Variants in TANC2 observed in about 807,000 individuals in gnomAD.
The protein encoded by TANC2 is protein TANC2.
TANC2 carries 26 observed loss-of-function variants against 210.5 expected under a neutral mutation model. That is an observed-to-expected ratio of 0.12 (90% CI 0.09 to 0.17). The LOEUF (loss-of-function observed/expected upper bound fraction) is 0.17. TANC2 is among the 10% of genes least tolerant of loss of function. TANC2 has a pLI of 1.00. For synonymous variants in TANC2, 931 were observed against 967.1 expected (o/e 0.96, Z 0.69); for missense variants, 2,129 against 2,608.9 (o/e 0.82, Z 4.01).
At chr17:63,417,528 CTTGTT>C (rs1039032006) in intron 26 of TANC2, among the ~76,000 whole-genome samples, 7 of 151,984 alleles carry the variant, frequency 4.6e-5, no homozygotes, top group African/African-American at 1.2e-4. Flanking sequence ...GGGGTCTTCT[CTTGTT>C]TTGTTTTATT....
At chr17:63,408,789 A>T (rs1013313596) in intron 21 of TANC2, among the ~76,000 whole-genome samples, 1 of 152,226 alleles carries the variant, frequency 6.6e-6, no homozygotes, top group Admixed American at 6.5e-5. Context: ...TTGAGCTGAC[A>T]TCCGAATCCT....
chr17:63,410,457 G>GT (rs1335579760), intron 21 of TANC2, among the ~76,000 whole-genome samples: 2 of 151,474 alleles, frequency 1.3e-5, no homozygotes, highest in Non-Finnish European at 2.9e-5. Flanking sequence ...GTCCTCTCGT[G>GT]TTTATTTCCC....
At chr17:63,038,670 A>G (rs2035068278) in intron 2 of TANC2, among the ~76,000 whole-genome samples, 1 of 152,158 alleles carries the variant, frequency 6.6e-6, no homozygotes, top group East Asian at 1.9e-4. Flanking sequence ...ATTTTTTTTT[A>G]AACTATAGAC....
At chr17:62,996,526 C>T (rs2033115916) in intron 1 of TANC2, among the ~76,000 whole-genome samples, 2 of 152,024 alleles carry the variant, frequency 1.3e-5, no homozygotes, top group Non-Finnish European at 2.9e-5. Flanking sequence ...CATGAAGCAT[C>T]CTTGGAGTCT....
chr17:63,381,076 A>G (rs1324203259), intron 15 of TANC2, among the ~76,000 whole-genome samples: 15 of 152,256 alleles, frequency 9.9e-5, no homozygotes, highest in African/African-American at 1.4e-4. Flanking sequence ...TAGCATCACT[A>G]TCTGCCTAGA....
At chr17:63,045,929 T>TC (rs1368217862) in intron 2 of TANC2, among the ~76,000 whole-genome samples, 1 of 152,024 alleles carries the variant, frequency 6.6e-6, no homozygotes, top group East Asian at 1.9e-4. Context: ...GCACACACCA[T>TC]CATGCCTGGC....
intron 4 of TANC2, among the ~76,000 whole-genome samples, chr17:63,126,847 C>G (rs573239722): frequency 1.3e-5 from 2 of 152,118 alleles, no homozygotes; most frequent in Non-Finnish European, 2.9e-5. Context: ...TTTTACCTCC[C>G]CACCCCCCAC....
At chr17:63,341,974 T>A (rs989197094) in intron 12 of TANC2, among the ~76,000 whole-genome samples, 1 of 152,140 alleles carries the variant, frequency 6.6e-6, no homozygotes, top group Non-Finnish European at 1.5e-5. Flanking sequence ...TTCCCTAGAT[T>A]TTCCCACCTC....
intron 9 of TANC2, among the ~76,000 whole-genome samples, chr17:63,271,318 G>A (rs1383887202): frequency 6.6e-6 from 1 of 151,894 alleles, no homozygotes; most frequent in Non-Finnish European, 1.5e-5. Flanking sequence ...CCACAGCTTC[G>A]CCAACATCTG....
At chr17:63,373,965 C>T (rs946141467) in intron 14 of TANC2, among the ~76,000 whole-genome samples, 2 of 149,380 alleles carry the variant, frequency 1.3e-5, no homozygotes, top group East Asian at 2.0e-4. Flanking sequence ...CAGGCAATGG[C>T]GTGAGACTCT....
At chr17:63,201,868 G>A (rs890005143) in intron 7 of TANC2, among the ~76,000 whole-genome samples, 4 of 152,044 alleles carry the variant, frequency 2.6e-5, no homozygotes, top group Non-Finnish European at 5.9e-5. Flanking sequence ...TCATTTATAT[G>A]TATTGTTATG....
chr17:63,190,509 A>G (rs2041148331), intron 5 of TANC2, among the ~76,000 whole-genome samples: 1 of 152,144 alleles, frequency 6.6e-6, no homozygotes, highest in Non-Finnish European at 1.5e-5. Flanking sequence ...CTTCTTTTTA[A>G]AGGTTGTTTT....
chr17:63,260,855 T>C (rs2043335347), intron 8 of TANC2, among the ~76,000 whole-genome samples: 1 of 152,206 alleles, frequency 6.6e-6, no homozygotes, highest in Non-Finnish European at 1.5e-5. Flanking sequence ...TTCAATTCTT[T>C]TCTATCCTGT....
At chr17:63,058,396 C>T (rs192863727) in intron 2 of TANC2, among the ~76,000 whole-genome samples, 5 of 152,244 alleles carry the variant, frequency 3.3e-5, no homozygotes, top group African/African-American at 4.8e-5. Context: ...TTGATAGTTT[C>T]GTTTGCTGTC....
At chr17:63,190,750 A>T (rs1244364064) in intron 5 of TANC2, among the ~76,000 whole-genome samples, 1 of 152,102 alleles carries the variant, frequency 6.6e-6, no homozygotes, top group African/African-American at 2.4e-5. Context: ...AAAAAAGAAG[A>T]TTTGATACAC....
At position 63,199,315 on chromosome 17, in the gene TANC2, A is replaced by C. The variant is rs1036165884; in HGVS notation, c.583-1456A>C. Among the ~76,000 whole-genome samples the C allele has an allele frequency of 1.3e-5, 2 of 152,158 alleles. 1 individual carries two copies. The highest frequency in any genetic ancestry group is 2.9e-5 in the Non-Finnish European group (2 of 68,026). ...CAAGTAATTTTGCTGCTGATCACTTAATAATTTTAAAAACGATAAAATGTT... is the reference window on the plus strand; with the variant it reads ...CAAGTAATTTTGCTGCTGATCACTTCATAATTTTAAAAACGATAAAATGTT... On this transcript the variant is annotated intron_variant, in intron 6 of 27. Coordinates refer to ENST00000689528, the Ensembl canonical transcript of TANC2.
At chr17:63,263,390 T>C (rs1033839540) in intron 8 of TANC2, among the ~76,000 whole-genome samples, 4 of 152,196 alleles carry the variant, frequency 2.6e-5, no homozygotes, top group African/African-American at 4.8e-5. Context: ...TTATGATAAC[T>C]GGTCCAAAGT....
chr17:63,258,618 C>A (rs1278755278), intron 8 of TANC2, among the ~76,000 whole-genome samples: 3 of 152,164 alleles, frequency 2.0e-5, no homozygotes, highest in Non-Finnish European at 4.4e-5. Flanking sequence ...AGTCTCAACA[C>A]CCCAGGCCCA....
intron 4 of TANC2, among the ~76,000 whole-genome samples, chr17:63,133,298 G>T (rs2038983052): frequency 1.3e-5 from 2 of 150,598 alleles, no homozygotes. Context: ...GTAGAGACTG[G>T]GTTTCACCAT....
Sources: allele counts gnomAD v4.1 joint callset (sites outside exome capture counted in the v4.1 genomes callset), GRCh38; gene constraint gnomAD v4.1.1; transcripts MANE v1.5; gene names NCBI Gene and HGNC (gene_info 2026-07-23, HGNC 2026-07-21).